Variants in ZNF254 observed in about 807,000 individuals in gnomAD.
The protein encoded by ZNF254 is zinc finger protein 254.
A neutral mutation model predicts 12.4 loss-of-function variants in ZNF254; 10 were observed. The observed-to-expected ratio is 0.80, with a 90% CI of 0.50 to 1.36. The LOEUF is 1.36. ZNF254 is among the 40% of genes most tolerant of loss of function. The probability of loss-of-function intolerance (pLI) is 0.00; values close to 1 mark genes in which losing one functional copy is unlikely to be tolerated. For synonymous variants in ZNF254, 305 were observed against 253.4 expected (o/e 1.20, Z -1.93); for missense variants, 996 against 763.9 (o/e 1.30, Z -3.58).
At chr19:24,061,953 C>T (rs894297966) in intron 2 of ZNF254, among the ~76,000 whole-genome samples, 2 of 151,992 alleles carry the variant, frequency 1.3e-5, no homozygotes, top group Non-Finnish European at 2.9e-5. Context: ...GGTATAGTGG[C>T]ACGTGCCTGT....
rs1413436023 is a variant in ZNF254, at chr19:24,091,816, T to C, written c.30+4479T>C. ...CCCTATATCCTGTTATTTTGATTTT[T>C]GAGTTTAATGCTAAATTTTATGTGA... is the stretch of plus-strand genomic sequence containing the variant. On this transcript the variant is annotated intron_variant, in intron 1 of 3. Coordinates refer to ENST00000357002, the MANE Select transcript of ZNF254 (RefSeq NM_203282.4). The C allele has an allele frequency of 1.0e-5, 10 of 981,748 alleles. No homozygotes were observed. In the African/African-American group the frequency reaches 1.7e-4, roughly 17 times the overall value. 60.8% of individuals were successfully genotyped at this position (981,748 alleles called of 1,614,324 possible).
chr19:24,126,204 A>G (rs928246869), intron 3 of ZNF254, 50 bp from the exon 4 acceptor site: 18 of 1,241,852 alleles, frequency 1.4e-5, no homozygotes, highest in Non-Finnish European at 1.7e-5. Context: ...AACTATATTC[A>G]TGTGAGTCTA....
At chr19:24,092,185 TA>T (rs988925586) in intron 1 of ZNF254, among the ~76,000 whole-genome samples, 3 of 148,600 alleles carry the variant, frequency 2.0e-5, no homozygotes, top group African/African-American at 7.5e-5. Flanking sequence ...TTTTTTTTTT[TA>T]AATGGAATTT....
At chr19:24,088,964 CTTTTTTTTTT>C (rs74175785) in intron 1 of ZNF254, among the ~76,000 whole-genome samples, 4 of 99,288 alleles carry the variant, frequency 4.0e-5, no homozygotes, top group East Asian at 3.4e-4. Context: ...GCCAATTAAT[CTTTTTTTTTT>C]TTTTTTTTTT....
intron 2 of ZNF254, chr19:24,046,400 T>TATATATATATATATAA: frequency 6.8e-6 from 1 of 146,814 alleles, no homozygotes; most frequent in African/African-American, 2.5e-5. Flanking sequence ...TATATATATA[T>TATATATATATATATAA]GTGCAGATCT....
chr19:24,113,969 A>G (rs928347725), intron 3 of ZNF254, among the ~76,000 whole-genome samples: 5 of 152,152 alleles, frequency 3.3e-5, no homozygotes, highest in African/African-American at 1.2e-4. Flanking sequence ...CCAACTTACA[A>G]GGGATGTGGA....
rs1975012471 is a variant in ZNF254, at chr19:24,127,894, T to A, written c.1894T>A (p.Trp632Arg). ...RIHTGEQPYK[W>R]EKFGKAFNRS... The stretch of plus-strand genomic sequence containing the variant: ...TCATACTGGAGAGCAACCCTACAAA[T>A]GGGAAAAATTTGGCAAAGCCTTTAA... Residue 632 changes from tryptophan (W) to arginine (R), a missense_variant, in exon 4 of 4, where the codon TGG becomes AGG. Transcript: ENST00000357002. 1 of 1,612,128 alleles carries A rather than the reference T, an allele frequency of 6.2e-7. No individual in the cohort carries two copies. The highest frequency in any genetic ancestry group is 1.3e-5 in the African/African-American group (1 of 74,784).
Position 24,119,272 on chromosome 19 carries a change from A to G in ZNF254, c.254-6982A>G, listed in dbSNP as rs569719363. 1.1e-4 allele frequency among the ~76,000 whole-genome samples: 16 copies of G among 151,904 alleles called. No homozygotes were observed. The South Asian group carries it at 2.9e-3, about 28-fold the overall frequency. The stretch of plus-strand genomic sequence containing the variant: ...AGTGACACAATCTCGGCTCACTGCA[A>G]CCTCTGCCTCCTAGGTTCAAGCGAT... On this transcript the variant is annotated intron_variant, in intron 3 of 3. Transcript: ENST00000357002.
At chr19:24,040,989 C>T (rs1288723211) in intron 1 of ZNF254, among the ~76,000 whole-genome samples, 3 of 152,360 alleles carry the variant, frequency 2.0e-5, no homozygotes, top group Non-Finnish European at 4.4e-5. Flanking sequence ...CCCTCCAAAA[C>T]CTGCAGAATC....
At chr19:24,121,026 A>AC (rs1209977879) in intron 3 of ZNF254, among the ~76,000 whole-genome samples, 1 of 151,222 alleles carries the variant, frequency 6.6e-6, no homozygotes, top group Non-Finnish European at 1.5e-5. Context: ...GGCATGAGCC[A>AC]CAGTGCCTGG....
At chr19:24,079,718 A>C (rs762540724) in intron 2 of ZNF254, 20 of 152,228 alleles carry the variant, frequency 1.3e-4, no homozygotes, top group Non-Finnish European at 7.3e-5. Context: ...GCTAGGACTC[A>C]TGCAGATGAG....
intron 3 of ZNF254, among the ~76,000 whole-genome samples, chr19:24,113,262 C>A (rs1179173973): frequency 6.6e-6 from 1 of 152,174 alleles, no homozygotes; most frequent in Non-Finnish European, 1.5e-5. Flanking sequence ...CCTTGATGAA[C>A]ATCGATGCAA....
chr19:24,127,020 T>A lies in ZNF254; in HGVS notation c.1020T>A (p.His340Gln), dbSNP rs1258099135. 6.2e-7 allele frequency: 1 copy of A among 1,613,578 alleles called. No individual in the cohort carries two copies. The highest frequency in any genetic ancestry group is 8.5e-7 in the Non-Finnish European group (1 of 1,179,794). The change falls in exon 4 of 4, where the codon CAT becomes CAA. Residue 340 changes from histidine to glutamine, a missense_variant. Physicochemically the swap from His to Gln is conservative, Grantham distance 24 (BLOSUM62 0). Transcript: ENST00000357002. Reference protein sequence around the residue: ...AFIWSSTLTRHKRMHTGEKPY... With the variant: ...AFIWSSTLTRQKRMHTGEKPY... ...TATGGTCCTCAACACTAACTAGACA[T>A]AAGAGGATGCACACTGGAGAGAAAC...
chr19:24,044,773 T>C (rs1326724740), intron 1 of ZNF254, among the ~76,000 whole-genome samples: 1 of 152,184 alleles, frequency 6.6e-6, no homozygotes, highest in African/African-American at 2.4e-5. Context: ...TATTTCATCT[T>C]GGGTCAAATT....
chr19:24,068,304 C>A (rs1342665965), intron 2 of ZNF254, among the ~76,000 whole-genome samples: 1 of 151,258 alleles, frequency 6.6e-6, no homozygotes, highest in East Asian at 1.9e-4. Context: ...GCCTATCTAG[C>A]CTTTTTTTTT....
intron 2 of ZNF254, among the ~76,000 whole-genome samples, chr19:24,059,930 CTCTG>C (rs1376840565): frequency 9.9e-5 from 15 of 151,924 alleles, no homozygotes; most frequent in African/African-American, 3.1e-4. Flanking sequence ...TGTGGCATGT[CTCTG>C]GCCTCATTAC....
chr19:24,127,786 C>G lies in ZNF254; in HGVS notation c.1786C>G (p.His596Asp), dbSNP rs764795930. The change falls in exon 4 of 4, where the codon CAT becomes GAT. Residue 596 changes from histidine (H) to aspartate (D), a missense_variant. Transcript: ENST00000357002. ...SSTFTKHKVI[H>D]TGVKPYKCEE... is the part of the protein sequence containing the mutation. The stretch of plus-strand genomic sequence containing the variant: ...AACTTTTACTAAACATAAGGTAATT[C>G]ATACTGGAGTAAAACCCTACAAATG... 1.2e-6 allele frequency: 2 copies of G among 1,612,402 alleles called. No individual in the cohort carries two copies. The highest frequency in any genetic ancestry group is 8.5e-7 in the Non-Finnish European group (1 of 1,179,478).
intron 2 of ZNF254, among the ~76,000 whole-genome samples, chr19:24,054,375 T>C (rs1970761515): frequency 1.3e-5 from 2 of 152,210 alleles, no homozygotes; most frequent in African/African-American, 2.4e-5. Context: ...GAATGATGAC[T>C]CTCATACCTC....
At chr19:24,087,008 A>G (rs1451535055), upstream of ZNF254, among the ~76,000 whole-genome samples, 1 of 152,232 alleles carries the variant, frequency 6.6e-6, no homozygotes, top group Non-Finnish European at 1.5e-5. Flanking sequence ...GCCCTGCCCG[A>G]TAAGGCTGCA....
Sources: gnomAD v4.1 joint callset for allele counts (sites outside exome capture counted in the v4.1 genomes callset) on GRCh38, gnomAD v4.1.1 for gene constraint, MANE v1.5 for transcripts, NCBI Gene and HGNC (gene_info 2026-07-23, HGNC 2026-07-21) for gene names.